The following KCNH1 variants were observed in gnomAD, a reference collection of about 807,000 sequenced individuals.
The protein encoded by KCNH1 is potassium voltage-gated channel subfamily H member 1.
A neutral mutation model predicts 69.2 loss-of-function variants in KCNH1; 27 were observed. The ratio of observed to expected loss-of-function variants is 0.39; its 90% CI spans 0.29 to 0.54. The LOEUF (loss-of-function observed/expected upper bound fraction) is 0.54, where lower values mean the gene tolerates loss of function less well. Ranked by LOEUF, KCNH1 falls within the 20% of genes least tolerant of loss-of-function variation. The probability of loss-of-function intolerance (pLI) is 0.68; values close to 1 mark genes in which losing one functional copy is unlikely to be tolerated. For missense variants in KCNH1, 798 were observed against 1,261.6 expected (o/e 0.63, Z 5.57); for synonymous variants, 456 against 487.7 (o/e 0.93, Z 0.86).
chr1:211,107,520 T>G (rs1691377524), intron 1 of KCNH1, 143 bp from the exon 2 acceptor site: 1 of 818,332 alleles, frequency 1.2e-6, no homozygotes, highest in Non-Finnish European at 1.9e-6. Flanking sequence ...AATGTCGCCC[T>G]GTAAGGAATA....
intron 7 of KCNH1, among the ~76,000 whole-genome samples, chr1:210,881,368 C>T (rs1253569866): frequency 6.6e-6 from 1 of 152,140 alleles, no homozygotes; most frequent in Admixed American, 6.5e-5. Context: ...CTAACTACAT[C>T]AAATGTGGTA....
intron 6 of KCNH1, among the ~76,000 whole-genome samples, chr1:211,013,198 G>A (rs1168642868): frequency 1.3e-5 from 2 of 152,332 alleles, no homozygotes; most frequent in Non-Finnish European, 2.9e-5. Flanking sequence ...GATAAGTAAT[G>A]AACGTTGGTC....
rs1336854400 is a variant in KCNH1 at position 210,680,484 on chromosome 1, A to G, written c.*2797T>C. The G allele has an allele frequency of 6.6e-6, 1 of 152,024 alleles. No individual in the cohort carries two copies. The highest frequency in any genetic ancestry group is 2.4e-5 in the African/African-American group (1 of 41,388). The allele number at this position is 152,024 out of a possible 1,614,324, so 9.4% of individuals were successfully genotyped here. A position where few individuals can be genotyped will look rare whatever the true frequency, so the allele number is the denominator to read the frequency against. On this transcript the variant is annotated 3_prime_UTR_variant, in exon 11 of 11. Coordinates refer to ENST00000271751, the MANE Select transcript of KCNH1 (RefSeq NM_172362.3). Reference sequence around the variant, plus strand: ...ATACCTAGTAACTTTTTGTTTCCCTAATCTCTCTCCAGCCACCAGATAATG... The same window carrying G: ...ATACCTAGTAACTTTTTGTTTCCCTGATCTCTCTCCAGCCACCAGATAATG...
intron 7 of KCNH1, among the ~76,000 whole-genome samples, chr1:210,915,512 T>A (rs1461947936): frequency 9.8e-6 from 1 of 101,868 alleles, no homozygotes; most frequent in Non-Finnish European, 2.1e-5. Context: ...AGTCAGCCCC[T>A]GCCGGAGACT....
chr1:211,115,369 A>C lies in KCNH1; in HGVS notation c.80-7992T>G, dbSNP rs530233546. Among the ~76,000 whole-genome samples, 14 of 152,274 alleles carry C rather than the reference A, an allele frequency of 9.2e-5. No individual in the cohort carries two copies. The East Asian group carries it at 2.7e-3, about 29-fold the overall frequency. On this transcript the variant is annotated intron_variant, in intron 1 of 10. Coordinates refer to ENST00000271751, the MANE Select transcript of KCNH1 (RefSeq NM_172362.3). The stretch of plus-strand genomic sequence containing the variant: ...AAATTGATTGGATTTAAGGATGCAA[A>C]GTATTAATCCTTGGTATGTCTGTGA...
At chr1:210,968,146 C>G (rs1423190615) in intron 6 of KCNH1, among the ~76,000 whole-genome samples, 1 of 147,852 alleles carries the variant, frequency 6.8e-6, no homozygotes, top group African/African-American at 2.5e-5. Context: ...CGATAGTTTA[C>G]TGAGAATGAT....
At chr1:210,736,713 C>T (rs1682888803) in intron 10 of KCNH1, among the ~76,000 whole-genome samples, 1 of 152,048 alleles carries the variant, frequency 6.6e-6, no homozygotes, top group South Asian at 2.1e-4. Flanking sequence ...ATCTAAATAA[C>T]CAGGTTCCAG....
At chr1:210,738,419 C>T (rs1463404320) in intron 10 of KCNH1, among the ~76,000 whole-genome samples, 1 of 152,130 alleles carries the variant, frequency 6.6e-6, no homozygotes, top group Non-Finnish European at 1.5e-5. Flanking sequence ...GGGCACATGA[C>T]TCAAGCTAGG....
rs73069521 is a variant in KCNH1 at position 210,760,562 on chromosome 1, G to A, written c.2112+14786C>T. On this transcript the variant is annotated intron_variant, in intron 10 of 10. Coordinates refer to ENST00000271751, the MANE Select transcript of KCNH1 (RefSeq NM_172362.3). Reference sequence around the variant, plus strand: ...AGGAGTCCTAAACATGGAAACAAACGAATGTGTATTTGTCTGTTTTCATGC... The same window carrying A: ...AGGAGTCCTAAACATGGAAACAAACAAATGTGTATTTGTCTGTTTTCATGC... Among the ~76,000 whole-genome samples the A allele has an allele frequency of 5.3e-3, 813 of 152,276 alleles. 6 individuals carry two copies. The highest frequency in any genetic ancestry group is 0.019 in the African/African-American group (770 of 41,560).
At chr1:210,897,023 G>A (rs137894390) in intron 7 of KCNH1, among the ~76,000 whole-genome samples, 1 of 152,134 alleles carries the variant, frequency 6.6e-6, no homozygotes, top group Non-Finnish European at 1.5e-5. Context: ...CCTCTAAATG[G>A]GATGGTCTTC....
At chr1:210,729,261 T>G (rs1217199602) in intron 10 of KCNH1, among the ~76,000 whole-genome samples, 1 of 152,222 alleles carries the variant, frequency 6.6e-6, no homozygotes, top group East Asian at 1.9e-4. Flanking sequence ...TTAGGTTTTC[T>G]TTTATGTCCT....
At chr1:210,701,700 A>C (rs1681785298) in intron 10 of KCNH1, among the ~76,000 whole-genome samples, 1 of 151,456 alleles carries the variant, frequency 6.6e-6, no homozygotes, top group Non-Finnish European at 1.5e-5. Flanking sequence ...ATATTTGAAT[A>C]CCTCTATCAT....
At chr1:210,831,171 C>T (rs1258380659) in intron 7 of KCNH1, among the ~76,000 whole-genome samples, 1 of 152,146 alleles carries the variant, frequency 6.6e-6, no homozygotes, top group Admixed American at 6.5e-5. Flanking sequence ...TGTGGCTTAT[C>T]CAAGGAAAAT....
intron 10 of KCNH1, among the ~76,000 whole-genome samples, chr1:210,694,129 G>A (rs2149006834): frequency 6.6e-6 from 1 of 152,266 alleles, no homozygotes; most frequent in Admixed American, 6.5e-5. Flanking sequence ...TCCTGTCTTT[G>A]CCCCTTCACT....
chr1:210,927,455 A>G (rs1687595962), intron 6 of KCNH1, among the ~76,000 whole-genome samples: 1 of 152,200 alleles, frequency 6.6e-6, no homozygotes, highest in Admixed American at 6.5e-5. Flanking sequence ...TGTATCCAGC[A>G]AAACCAAACT....
intron 7 of KCNH1, among the ~76,000 whole-genome samples, chr1:210,848,256 C>T (rs1347872918): frequency 1.3e-5 from 2 of 152,170 alleles, no homozygotes; most frequent in African/African-American, 4.8e-5. Flanking sequence ...TGTCATTTTA[C>T]AATTTAGAAA....
rs1685924727 is a variant in KCNH1 at position 210,859,367 on chromosome 1, C to T, written c.1463-55201G>A. The T allele has an allele frequency of 5.8e-6, 9 of 1,539,628 alleles. No homozygotes were observed. In the Admixed American group the frequency reaches 1.0e-4, roughly 17 times the overall value. On this transcript the variant is annotated intron_variant, in intron 7 of 10. Transcript: ENST00000271751. ...CCATGAGTCAGACCCTGATCCCACA[C>T]AGGATTATGATTTCGAATGGTTTGA...
intron 6 of KCNH1, among the ~76,000 whole-genome samples, chr1:210,926,400 G>A (rs556287956): frequency 2.0e-5 from 3 of 152,198 alleles, no homozygotes; most frequent in South Asian, 2.1e-4. Flanking sequence ...ACTCTTTGCC[G>A]ACACTCCCCA....
intron 10 of KCNH1, among the ~76,000 whole-genome samples, chr1:210,704,965 T>G (rs1366756491): frequency 6.6e-6 from 1 of 151,924 alleles, no homozygotes; most frequent in Non-Finnish European, 1.5e-5. Flanking sequence ...CTGGGGTTTG[T>G]GGGGTTGAAG....
Sources: allele counts gnomAD v4.1 joint callset (sites outside exome capture counted in the v4.1 genomes callset), GRCh38; gene constraint gnomAD v4.1.1; transcripts MANE v1.5; gene names NCBI Gene and HGNC (gene_info 2026-07-23, HGNC 2026-07-21).